The following AMN1 variants were observed in gnomAD, a reference collection of about 807,000 sequenced individuals.
AMN1 encodes the protein protein AMN1 homolog.
A neutral mutation model predicts 33.0 loss-of-function variants in AMN1; 20 were observed. The ratio of observed to expected loss-of-function variants is 0.61; its 90% CI spans 0.43 to 0.88. AMN1 has a LOEUF of 0.88. Among genes scored for constraint, AMN1 ranks in the 40% least tolerant of loss-of-function variants. The pLI is 0.00. For synonymous variants in AMN1, 114 were observed against 111.9 expected (o/e 1.02, Z -0.12); for missense variants, 246 against 307.4 (o/e 0.80, Z 1.49).
rs1951270452 is a variant in AMN1, at chr12:31,671,503, A to G, written c.*801T>C. On this transcript the variant is annotated 3_prime_UTR_variant, in exon 7 of 7. Transcript: ENST00000281471. Reference sequence around the variant, plus strand: ...TGTCAGGTAATTTTGTGATTACCAAAAAGTTTTCACTTGAAAACTAAGACC... The same window carrying G: ...TGTCAGGTAATTTTGTGATTACCAAGAAGTTTTCACTTGAAAACTAAGACC... 6.6e-6 allele frequency: 1 copy of G among 152,228 alleles called. No homozygotes were observed. Among genetic ancestry groups the G allele is most frequent in the South Asian group, 2.1e-4 (1 of 4,836 alleles). The allele number at this position is 152,228 out of a possible 1,614,324, so 9.4% of individuals were successfully genotyped here.
intron 6 of AMN1, among the ~76,000 whole-genome samples, chr12:31,676,389 C>T (rs1231574822): frequency 1.3e-5 from 2 of 151,178 alleles, no homozygotes; most frequent in Admixed American, 6.6e-5. Flanking sequence ...GCAGGTGGAT[C>T]GCTTGAGTTC....
upstream of AMN1, chr12:31,729,110 T>G: frequency 2.3e-6 from 3 of 1,317,626 alleles, no homozygotes; most frequent in Non-Finnish European, 3.1e-6. Flanking sequence ...TAGGTTTTTG[T>G]GACGTCACAC....
At chr12:31,723,172 A>G (rs1397209126) in intron 1 of AMN1, among the ~76,000 whole-genome samples, 4 of 152,024 alleles carry the variant, frequency 2.6e-5, no homozygotes, top group Non-Finnish European at 4.4e-5. Flanking sequence ...AACAAGAAAG[A>G]AATCAAATTT....
chr12:31,692,043 A>G (rs1273800253), intron 5 of AMN1, among the ~76,000 whole-genome samples: 1 of 151,780 alleles, frequency 6.6e-6, no homozygotes, highest in Non-Finnish European at 1.5e-5. Flanking sequence ...ATGCCTGGCT[A>G]ATTTTTGTAT....
chr12:31,672,242 A>C lies in AMN1; in HGVS notation c.*62T>G, dbSNP rs1028052510. 2 of 1,122,578 alleles carry C rather than the reference A, an allele frequency of 1.8e-6. No individual in the cohort carries two copies. Among genetic ancestry groups the C allele is most frequent in the African/African-American group, 3.1e-5 (2 of 64,490 alleles). The allele number at this position is 1,122,578 out of a possible 1,614,324, so 69.5% of individuals were successfully genotyped here. On this transcript the variant is annotated 3_prime_UTR_variant, in exon 7 of 7. Coordinates refer to ENST00000281471, the MANE Select transcript of AMN1 (RefSeq NM_001113402.2). ...TTAAGTAGAATGCAAATCTCTATAG[A>C]TGGTTTCCTGGGAAAGTAGTTTTGA... is the stretch of plus-strand genomic sequence containing the variant.
chr12:31,726,953 T>C lies in AMN1; in HGVS notation c.38+2018A>G, dbSNP rs78709052. Among the ~76,000 whole-genome samples the C allele has an allele frequency of 9.6e-3, 1,469 of 152,246 alleles. 24 individuals carry two copies. Among genetic ancestry groups the C allele is most frequent in the African/African-American group, 0.033 (1,379 of 41,542 alleles). ...TAAAATTCTATCCAAATGAATCTACTCTTTGCTTTTCTTTCATTTATTTAT... is the reference window on the plus strand; with the variant it reads ...TAAAATTCTATCCAAATGAATCTACCCTTTGCTTTTCTTTCATTTATTTAT... On this transcript the variant is annotated intron_variant, in intron 1 of 6. Coordinates refer to ENST00000281471, the MANE Select transcript of AMN1 (RefSeq NM_001113402.2).
chr12:31,689,280 A>C (rs1938402198), intron 5 of AMN1, among the ~76,000 whole-genome samples, 162 bp from the exon 6 acceptor site: 1 of 152,250 alleles, frequency 6.6e-6, no homozygotes, highest in Non-Finnish European at 1.5e-5. Context: ...ATTTGGAAGG[A>C]GCAGCTTAAA....
At chr12:31,715,182 T>C (rs1939622784) in intron 1 of AMN1, among the ~76,000 whole-genome samples, 1 of 152,224 alleles carries the variant, frequency 6.6e-6, no homozygotes, top group Non-Finnish European at 1.5e-5. Context: ...TTCTTCCCTT[T>C]AGCTCCTAAA....
At chr12:31,719,423 A>G in intron 1 of AMN1, 1 of 528,168 alleles carries the variant, frequency 1.9e-6, no homozygotes, top group South Asian at 8.4e-5. Context: ...ACATTTTGTT[A>G]GGGAAGTAAA....
At chr12:31,696,357 T>G (rs2139684770) in intron 5 of AMN1, among the ~76,000 whole-genome samples, 1 of 152,176 alleles carries the variant, frequency 6.6e-6, no homozygotes, top group East Asian at 1.9e-4. Flanking sequence ...GGGATCCTCC[T>G]GCCTCAGCCT....
At chr12:31,681,967 G>A (rs918895668) in intron 6 of AMN1, among the ~76,000 whole-genome samples, 1 of 152,094 alleles carries the variant, frequency 6.6e-6, no homozygotes, top group African/African-American at 2.4e-5. Context: ...ATGAGCCACC[G>A]CACCCTGACA....
intron 5 of AMN1, among the ~76,000 whole-genome samples, chr12:31,693,031 A>G (rs1021441441): frequency 1.3e-5 from 2 of 152,212 alleles, no homozygotes; most frequent in African/African-American, 2.4e-5. Context: ...ATGCTGTAAC[A>G]TAAGTTTGTA....
At chr12:31,723,855 G>A (rs953480771) in intron 1 of AMN1, among the ~76,000 whole-genome samples, 2 of 152,156 alleles carry the variant, frequency 1.3e-5, no homozygotes, top group East Asian at 1.9e-4. Flanking sequence ...CTACCACTTG[G>A]TTGAGGATAC....
chr12:31,674,872 AT>A (rs1951354402), intron 6 of AMN1, among the ~76,000 whole-genome samples: 1 of 151,432 alleles, frequency 6.6e-6, no homozygotes, highest in African/African-American at 2.4e-5. Context: ...AAAAAAAAAA[AT>A]TAGCCATGCA....
chr12:31,716,561 T>G (rs953471874), intron 1 of AMN1, among the ~76,000 whole-genome samples: 7 of 152,238 alleles, frequency 4.6e-5, no homozygotes, highest in Non-Finnish European at 4.4e-5. Context: ...ATAATAGCAA[T>G]GCAATGTGGC....
At chr12:31,709,243 T>C (rs1939373527) in intron 2 of AMN1, 50 bp downstream of exon 2, 1 of 1,594,200 alleles carries the variant, frequency 6.3e-7, no homozygotes, top group Non-Finnish European at 8.6e-7. Flanking sequence ...TAAAACCATA[T>C]CTAAACAGAA....
At chr12:31,722,477 C>T (rs1479657266) in intron 1 of AMN1, among the ~76,000 whole-genome samples, 1 of 152,140 alleles carries the variant, frequency 6.6e-6, no homozygotes, top group African/African-American at 2.4e-5. Flanking sequence ...TCTGACTCTA[C>T]CTCCTTCACA....
Position 31,699,928 on chromosome 12 carries a change from A to G in AMN1, c.316+1935T>C, listed in dbSNP as rs74085160. ...GAATTGTTTGGTGTGAAAAAACCCCACACATTTGCTGTCAGAAGTGTGGTG... is the reference window on the plus strand; with the variant it reads ...GAATTGTTTGGTGTGAAAAAACCCCGCACATTTGCTGTCAGAAGTGTGGTG... On this transcript the variant is annotated intron_variant, in intron 3 of 6. Coordinates refer to ENST00000281471, the MANE Select transcript of AMN1 (RefSeq NM_001113402.2). Among the ~76,000 whole-genome samples the G allele has an allele frequency of 8.4e-3, 1,272 of 152,224 alleles. 18 individuals carry two copies. Among genetic ancestry groups the G allele is most frequent in the African/African-American group, 0.029 (1,200 of 41,530 alleles).
intron 1 of AMN1, 93 bp from the exon 2 acceptor site, chr12:31,709,518 A>T: frequency 1.4e-6 from 2 of 1,450,604 alleles, no homozygotes; most frequent in Non-Finnish European, 1.8e-6. Flanking sequence ...TAGCCCTTTC[A>T]TAAAAGTGTG....
Sources: allele counts gnomAD v4.1 joint callset (sites outside exome capture counted in the v4.1 genomes callset), GRCh38; gene constraint gnomAD v4.1.1; transcripts MANE v1.5; gene names NCBI Gene and HGNC (gene_info 2026-07-23, HGNC 2026-07-21).